SNTG1: variants seen among roughly 807,000 people sequenced by gnomAD.
The protein encoded by SNTG1 is syntrophin gamma 1.
Under a neutral mutation model 74.7 loss-of-function variants are expected in SNTG1, and 39 were observed. That is an observed-to-expected ratio of 0.52 (90% CI 0.40 to 0.68). SNTG1 has a LOEUF of 0.68. SNTG1 is among the 30% of genes least tolerant of loss of function. The pLI, the probability that SNTG1 is intolerant of heterozygous loss-of-function variation, is 0.00. For missense variants in SNTG1, 685 were observed against 609.5 expected (o/e 1.12, Z -1.30); for synonymous variants, 254 against 217.1 (o/e 1.17, Z -1.49).
intron 2 of SNTG1, among the ~76,000 whole-genome samples, chr8:50,240,406 T>G (rs1185717975): frequency 6.6e-6 from 1 of 152,220 alleles, no homozygotes; most frequent in Non-Finnish European, 1.5e-5. Flanking sequence ...TGACATTTAC[T>G]TAGCTAAAAA....
At chr8:50,693,761 T>C (rs541490877) in intron 15 of SNTG1, among the ~76,000 whole-genome samples, 11 of 152,244 alleles carry the variant, frequency 7.2e-5, no homozygotes, top group African/African-American at 2.4e-4. Context: ...CATCAAGTAC[T>C]TTTTCAACCT....
chr8:50,577,310 C>T (rs191431659), intron 12 of SNTG1, among the ~76,000 whole-genome samples: 4 of 152,124 alleles, frequency 2.6e-5, no homozygotes, highest in African/African-American at 9.7e-5. Flanking sequence ...ATCTTCCATT[C>T]CAGGAATAAA....
At chr8:50,126,963 C>T (rs922348474) in intron 1 of SNTG1, among the ~76,000 whole-genome samples, 4 of 152,142 alleles carry the variant, frequency 2.6e-5, no homozygotes, top group Non-Finnish European at 5.9e-5. Flanking sequence ...CTTTTACATA[C>T]ATCACAGTTA....
At chr8:50,223,977 T>TA (rs1036834747) in intron 2 of SNTG1, among the ~76,000 whole-genome samples, 6 of 151,890 alleles carry the variant, frequency 4.0e-5, no homozygotes, top group African/African-American at 1.2e-4. Context: ...ATAGATTTAA[T>TA]AAAAAAATAG....
chr8:50,154,495 C>A (rs1373677891), intron 1 of SNTG1, among the ~76,000 whole-genome samples: 1 of 152,118 alleles, frequency 6.6e-6, no homozygotes, highest in Non-Finnish European at 1.5e-5. Flanking sequence ...GTTGGAAGTG[C>A]AGAAATCACC....
chr8:50,711,134 C>G (rs974453969), intron 17 of SNTG1, among the ~76,000 whole-genome samples: 4 of 152,108 alleles, frequency 2.6e-5, no homozygotes, highest in Admixed American at 1.3e-4. Flanking sequence ...ACTTGCACCC[C>G]TTCATCAGAT....
intron 16 of SNTG1, among the ~76,000 whole-genome samples, chr8:50,706,590 A>C (rs760967411): frequency 1.1e-4 from 16 of 152,148 alleles, no homozygotes; most frequent in Non-Finnish European, 2.2e-4. Context: ...AGTGAAATAC[A>C]TTGGCCTATT....
At chr8:49,921,187 C>T (rs544421329) in intron 1 of SNTG1, among the ~76,000 whole-genome samples, 250 of 151,826 alleles carry the variant, frequency 1.6e-3, no homozygotes, top group South Asian at 5.4e-3. Flanking sequence ...TGTTTACAGA[C>T]ATAAATATCT....
At chr8:50,169,507 C>A (rs748275717) in intron 1 of SNTG1, among the ~76,000 whole-genome samples, 1 of 152,168 alleles carries the variant, frequency 6.6e-6, no homozygotes, top group African/African-American at 2.4e-5. Flanking sequence ...GAGAAGACAG[C>A]CCACTCTTAG....
At chr8:50,108,456 A>G (rs545215690) in intron 1 of SNTG1, among the ~76,000 whole-genome samples, 12 of 152,294 alleles carry the variant, frequency 7.9e-5, no homozygotes, top group Middle Eastern at 3.4e-3. Context: ...GATGTTGTGT[A>G]AAAAACAATA....
At chr8:50,007,452 C>T (rs533590346) in intron 1 of SNTG1, among the ~76,000 whole-genome samples, 222 of 152,150 alleles carry the variant, frequency 1.5e-3, no homozygotes, top group African/African-American at 5.0e-3. Flanking sequence ...CATTTTAAAA[C>T]GTAGGCATTT....
chr8:50,504,782 A>G (rs2093992672), intron 9 of SNTG1, among the ~76,000 whole-genome samples: 1 of 152,194 alleles, frequency 6.6e-6, no homozygotes, highest in East Asian at 1.9e-4. Context: ...TAAATAAATA[A>G]TTAATTAAAA....
At chr8:50,694,549 A>G (rs2095396370) in intron 15 of SNTG1, among the ~76,000 whole-genome samples, 1 of 152,130 alleles carries the variant, frequency 6.6e-6, no homozygotes, top group South Asian at 2.1e-4. Context: ...ATTACTCCAA[A>G]TAATTCATGA....
At chr8:50,684,729 GTTTT>G (rs1163252511) in intron 15 of SNTG1, among the ~76,000 whole-genome samples, 4 of 134,648 alleles carry the variant, frequency 3.0e-5, no homozygotes, top group African/African-American at 1.1e-4. Context: ...TTTTGTTTTT[GTTTT>G]TTTTTTCTTT....
chr8:50,666,524 C>G (rs1332077964), intron 15 of SNTG1, among the ~76,000 whole-genome samples: 1 of 152,072 alleles, frequency 6.6e-6, no homozygotes, highest in Non-Finnish European at 1.5e-5. Flanking sequence ...ACAAACAGTT[C>G]AGAAAATAAG....
intron 2 of SNTG1, among the ~76,000 whole-genome samples, chr8:50,242,207 G>A (rs187923158): frequency 2.7e-4 from 41 of 151,806 alleles, no homozygotes; most frequent in African/African-American, 9.2e-4. Context: ...TCTTCTATAA[G>A]TCTTTGAATA....
intron 12 of SNTG1, among the ~76,000 whole-genome samples, chr8:50,570,981 G>A (rs1466834195): frequency 2.0e-5 from 3 of 151,950 alleles, no homozygotes; most frequent in Non-Finnish European, 2.9e-5. Context: ...CACCACCAGC[G>A]TACAAGCGTT....
chr8:49,933,958 T>A (rs1417545119), intron 1 of SNTG1, among the ~76,000 whole-genome samples: 1 of 152,198 alleles, frequency 6.6e-6, no homozygotes, highest in Non-Finnish European at 1.5e-5. Context: ...TGTGAAAAGA[T>A]AAGTAAACCT....
At chr8:50,382,256 A>C (rs1203633584) in intron 2 of SNTG1, 1 of 152,136 alleles carries the variant, frequency 6.6e-6, no homozygotes, top group Admixed American at 6.6e-5. Context: ...TATGTTACTA[A>C]TAAACCAGCT....
Sources: gnomAD v4.1 joint callset for allele counts (sites outside exome capture counted in the v4.1 genomes callset) on GRCh38, gnomAD v4.1.1 for gene constraint, MANE v1.5 for transcripts, NCBI Gene and HGNC (gene_info 2026-07-23, HGNC 2026-07-21) for gene names.